The following PHF20 variants were observed in gnomAD, a reference collection of about 807,000 sequenced individuals.
The protein encoded by PHF20 is PHD finger protein 20, also known as glioma-expressed antigen 2.
Under a neutral mutation model 113.5 loss-of-function variants are expected in PHF20, and 23 were observed. The ratio of observed to expected loss-of-function variants is 0.20; its 90% CI spans 0.15 to 0.29. The LOEUF is 0.29. Ranked by LOEUF, PHF20 falls within the 10% of genes least tolerant of loss-of-function variation. The pLI is 1.00. For synonymous variants in PHF20, 434 were observed against 457.3 expected (o/e 0.95, Z 0.65); for missense variants, 943 against 1,219.6 (o/e 0.77, Z 3.38).
At chr20:35,788,802 T>C (rs1398217946) in intron 1 of PHF20, among the ~76,000 whole-genome samples, 1 of 151,504 alleles carries the variant, frequency 6.6e-6, no homozygotes, top group East Asian at 2.0e-4. Context: ...GTTCTTGAAC[T>C]GACGTCAGGC....
intron 2 of PHF20, among the ~76,000 whole-genome samples, chr20:35,823,898 A>G (rs2042218508): frequency 6.6e-6 from 1 of 152,216 alleles, no homozygotes; most frequent in South Asian, 2.1e-4. Flanking sequence ...TTTTTGCATG[A>G]GCAAAATAAA....
At chr20:35,786,842 T>C (rs1315559735) in intron 1 of PHF20, among the ~76,000 whole-genome samples, 1 of 152,190 alleles carries the variant, frequency 6.6e-6, no homozygotes, top group African/African-American at 2.4e-5. Flanking sequence ...AGTTGCTTCA[T>C]TCCGCATGCT....
chr20:35,814,611 C>T (rs1362875391), intron 2 of PHF20, among the ~76,000 whole-genome samples: 5 of 150,242 alleles, frequency 3.3e-5, no homozygotes, highest in East Asian at 2.0e-4. Context: ...CGGTGGCTCA[C>T]GCCTGTAATC....
At chr20:35,864,007 T>C (rs1015159089) in intron 6 of PHF20, among the ~76,000 whole-genome samples, 1 of 152,172 alleles carries the variant, frequency 6.6e-6, no homozygotes, top group African/African-American at 2.4e-5. Context: ...AAATTTGGAA[T>C]TCTTCTAGAA....
intron 10 of PHF20, among the ~76,000 whole-genome samples, chr20:35,902,027 G>A (rs576345879): frequency 4.6e-5 from 7 of 152,238 alleles, no homozygotes; most frequent in South Asian, 2.1e-4. Context: ...TCAAGGCCTG[G>A]TGTGGGGAAG....
At chr20:35,802,861 C>A (rs1478774488) in intron 2 of PHF20, among the ~76,000 whole-genome samples, 1 of 150,574 alleles carries the variant, frequency 6.6e-6, no homozygotes, top group African/African-American at 2.4e-5. Flanking sequence ...ATTGCTTGAA[C>A]CCGGGAGGTG....
intron 2 of PHF20, among the ~76,000 whole-genome samples, chr20:35,837,245 T>C (rs184092279): frequency 9.2e-5 from 14 of 152,318 alleles, no homozygotes; most frequent in Non-Finnish European, 2.1e-4. Flanking sequence ...TTTTTACTTA[T>C]ACAAGTAATA....
intron 1 of PHF20, among the ~76,000 whole-genome samples, chr20:35,797,127 G>T (rs2041681427): frequency 6.6e-6 from 1 of 151,946 alleles, no homozygotes; most frequent in African/African-American, 2.4e-5. Flanking sequence ...GGGATTACAG[G>T]CATGGGCCTA....
At chr20:35,876,597 A>G (rs990389166) in intron 9 of PHF20, among the ~76,000 whole-genome samples, 2 of 152,076 alleles carry the variant, frequency 1.3e-5, no homozygotes, top group Non-Finnish European at 2.9e-5. Context: ...AAAGCCAGAG[A>G]CGAATGCAGT....
intron 1 of PHF20, among the ~76,000 whole-genome samples, chr20:35,772,947 T>G (rs879780634): frequency 6.6e-6 from 1 of 152,148 alleles, no homozygotes; most frequent in Non-Finnish European, 1.5e-5. Context: ...AAACCTGAGG[T>G]TGGGCCGAAA....
intron 4 of PHF20, among the ~76,000 whole-genome samples, chr20:35,857,043 C>T (rs947146197): frequency 6.6e-6 from 1 of 152,044 alleles, no homozygotes; most frequent in African/African-American, 2.4e-5. Context: ...CAGGTCTTAA[C>T]TTTGTTGTTG....
intron 15 of PHF20, among the ~76,000 whole-genome samples, chr20:35,931,894 TG>T (rs1568788006): frequency 6.6e-6 from 1 of 151,452 alleles, no homozygotes; most frequent in Non-Finnish European, 1.5e-5. Flanking sequence ...GAGGTTGTGG[TG>T]AGCTGAGATC....
intron 9 of PHF20, among the ~76,000 whole-genome samples, chr20:35,888,005 A>T (rs1311810363): frequency 3.5e-5 from 5 of 142,776 alleles, no homozygotes; most frequent in African/African-American, 1.3e-4. Flanking sequence ...TCTGAGACAG[A>T]GTTTCGCTCT....
Position 35,870,949 on chromosome 20 carries a change from T to C in PHF20, c.923-6T>C. On this transcript the variant is annotated splice_polypyrimidine_tract_variant and splice_region_variant and intron_variant, in intron 7 of 17. Transcript: ENST00000374012. ...CTTGACTACAACTCTCTTAATGGTT[T>C]AATAGCCCAGGAAAAGTCAAAAAAC... 1.3e-6 allele frequency: 2 copies of C among 1,586,040 alleles called. No individual in the cohort carries two copies. Among genetic ancestry groups the C allele is most frequent in the Non-Finnish European group, 1.7e-6 (2 of 1,171,924 alleles).
intron 2 of PHF20, among the ~76,000 whole-genome samples, chr20:35,819,234 C>A (rs957167406): frequency 6.6e-6 from 1 of 152,100 alleles, no homozygotes; most frequent in Non-Finnish European, 1.5e-5. Flanking sequence ...CCCAGCCCTG[C>A]CTTCCCTATT....
intron 13 of PHF20, among the ~76,000 whole-genome samples, chr20:35,924,898 G>A (rs2055596870): frequency 6.6e-6 from 1 of 151,914 alleles, no homozygotes; most frequent in African/African-American, 2.4e-5. Context: ...ACTGCGCCTG[G>A]CCCATTTTTC....
At chr20:35,787,463 G>A (rs542410857) in intron 1 of PHF20, among the ~76,000 whole-genome samples, 2 of 151,904 alleles carry the variant, frequency 1.3e-5, no homozygotes, top group East Asian at 1.9e-4. Context: ...ACAGGCGTGA[G>A]CCACCGCGCC....
chr20:35,929,438 G>A (rs2055708090), intron 14 of PHF20, among the ~76,000 whole-genome samples: 2 of 152,244 alleles, frequency 1.3e-5, no homozygotes, highest in Non-Finnish European at 2.9e-5. Context: ...AAGTCCAGAA[G>A]GGACATGACT....
intron 2 of PHF20, among the ~76,000 whole-genome samples, chr20:35,828,819 CTA>C (rs1450755786): frequency 6.6e-6 from 1 of 152,212 alleles, no homozygotes; most frequent in Non-Finnish European, 1.5e-5. Flanking sequence ...AACCTATAAA[CTA>C]TTGATAGACT....
Sources: allele counts gnomAD v4.1 joint callset (sites outside exome capture counted in the v4.1 genomes callset), GRCh38; gene constraint gnomAD v4.1.1; transcripts MANE v1.5; gene names NCBI Gene and HGNC (gene_info 2026-07-23, HGNC 2026-07-21).